RAD54B: variants seen among roughly 807,000 people sequenced by gnomAD.
RAD54B encodes RAD54 homolog B.
Under a neutral mutation model 95.8 loss-of-function variants are expected in RAD54B, and 78 were observed. The ratio of observed to expected loss-of-function variants is 0.81; its 90% CI spans 0.68 to 0.98. The LOEUF is 0.98. Among genes scored for constraint, RAD54B ranks in the 50% least tolerant of loss-of-function variants. The pLI is 0.00. For missense variants in RAD54B, 957 were observed against 1,056.6 expected (o/e 0.91, Z 1.31); for synonymous variants, 328 against 354.9 (o/e 0.92, Z 0.85).
chr8:94,469,608 T>C (rs903037309), intron 1 of RAD54B, among the ~76,000 whole-genome samples: 6 of 152,242 alleles, frequency 3.9e-5, no homozygotes, highest in African/African-American at 7.2e-5. Context: ...AATTTCAAAA[T>C]GCAAGGAAAT....
At chr8:94,474,376 A>T (rs1277051034) in intron 1 of RAD54B, among the ~76,000 whole-genome samples, 1 of 152,130 alleles carries the variant, frequency 6.6e-6, no homozygotes, top group Admixed American at 6.5e-5. Flanking sequence ...GCTGAAAATA[A>T]TTTTTTTGAT....
intron 3 of RAD54B, chr8:94,430,453 A>G (rs1812062926): frequency 3.0e-6 from 3 of 984,880 alleles, no homozygotes; most frequent in African/African-American, 3.5e-5. Context: ...CGAGGTTCCA[A>G]AATACTCTGT....
intron 2 of RAD54B, among the ~76,000 whole-genome samples, chr8:94,467,096 A>G (rs996670846): frequency 3.3e-5 from 5 of 151,764 alleles, no homozygotes; most frequent in African/African-American, 1.2e-4. Flanking sequence ...ACCCCACTAA[A>G]TTTTTATTTT....
At position 94,407,536 on chromosome 8, in the gene RAD54B, GAA is replaced by G; in HGVS notation, c.682_683del (p.Phe228LeufsTer2). 6.2e-7 allele frequency: 1 copy of G among 1,613,966 alleles called. No homozygotes were observed. Among genetic ancestry groups the G allele is most frequent in the Non-Finnish European group, 8.5e-7 (1 of 1,179,896 alleles). On this transcript the variant is annotated frameshift_variant, in exon 5 of 15. Transcript: ENST00000336148. LOFTEE classifies it high-confidence loss of function. ...SHSSQVARKC[F>X]SNPFKSVCKP... ...TACAAACACTTTTGAAAGGGTTAGAGAAACATTTCCTGGCAACCTGAGAAGAA... is the reference window on the plus strand; with the variant it reads ...TACAAACACTTTTGAAAGGGTTAGAGACATTTCCTGGCAACCTGAGAAGAA...
chr8:94,381,543 A>G (rs1209980517), intron 11 of RAD54B, among the ~76,000 whole-genome samples: 1 of 152,256 alleles, frequency 6.6e-6, no homozygotes, highest in Non-Finnish European at 1.5e-5. Context: ...CTTTCCGAAA[A>G]TAATTTATGT....
intron 3 of RAD54B, among the ~76,000 whole-genome samples, chr8:94,449,604 G>C (rs1352346725): frequency 7.5e-6 from 1 of 134,178 alleles, no homozygotes; most frequent in Non-Finnish European, 1.6e-5. Flanking sequence ...GTGAGACTCT[G>C]TCTCCAAAAA....
intron 8 of RAD54B, among the ~76,000 whole-genome samples, chr8:94,397,039 T>C (rs879389053): frequency 1.3e-5 from 2 of 152,186 alleles, no homozygotes; most frequent in Non-Finnish European, 2.9e-5. Context: ...TAAATGTCTG[T>C]TGTTTAGTCT....
At chr8:94,393,706 G>A (rs1370426283) in intron 9 of RAD54B, 37 bp downstream of exon 9, 17 of 1,501,392 alleles carry the variant, frequency 1.1e-5, no homozygotes, top group East Asian at 2.3e-5. Context: ...TCAGACATAC[G>A]GCTTTTTAAA....
At chr8:94,407,868 A>T (rs1469192221) in intron 4 of RAD54B, 148 bp from the exon 5 acceptor site, 2 of 517,174 alleles carry the variant, frequency 3.9e-6, no homozygotes, top group Admixed American at 5.3e-5. Context: ...CATTTTGGTT[A>T]AAAAAAACAT....
At chr8:94,461,228 A>G (rs1476285617) in intron 2 of RAD54B, among the ~76,000 whole-genome samples, 1 of 124,126 alleles carries the variant, frequency 8.1e-6, no homozygotes, top group African/African-American at 3.2e-5. Flanking sequence ...GCTGGAGTGC[A>G]ATGGCGCAAT....
chr8:94,455,586 T>G (rs1017093770), intron 3 of RAD54B, among the ~76,000 whole-genome samples: 1 of 152,244 alleles, frequency 6.6e-6, no homozygotes, highest in Non-Finnish European at 1.5e-5. Flanking sequence ...GATCTGGGGC[T>G]TCCTGTATTT....
intron 1 of RAD54B, among the ~76,000 whole-genome samples, chr8:94,474,094 C>A (rs1373694868): frequency 6.6e-6 from 1 of 152,112 alleles, no homozygotes; most frequent in Non-Finnish European, 1.5e-5. Flanking sequence ...GGCTATTATC[C>A]AAAGCGAATT....
intron 1 of RAD54B, among the ~76,000 whole-genome samples, chr8:94,468,839 A>G (rs751084548): frequency 4.6e-5 from 7 of 151,914 alleles, no homozygotes; most frequent in Non-Finnish European, 1.0e-4. Flanking sequence ...AAAAAAAAAG[A>G]TAAGAGGAGC....
chr8:94,397,395 C>A (rs1811173300), intron 8 of RAD54B, among the ~76,000 whole-genome samples: 1 of 152,028 alleles, frequency 6.6e-6, no homozygotes, highest in Non-Finnish European at 1.5e-5. Context: ...CTAGTTTTTA[C>A]CTAAATTCAT....
At chr8:94,443,978 C>A (rs1377647062) in intron 3 of RAD54B, among the ~76,000 whole-genome samples, 1 of 151,838 alleles carries the variant, frequency 6.6e-6, no homozygotes, top group African/African-American at 2.4e-5. Flanking sequence ...AAAAAATATA[C>A]AAGTTTACCA....
At chr8:94,405,488 C>T (rs73271915) in intron 5 of RAD54B, among the ~76,000 whole-genome samples, 13,940 of 152,182 alleles carry the variant, frequency 0.092, 1,174 homozygotes, top group African/African-American at 0.21. Context: ...AACAAATACC[C>T]AGAGGGTAAG....
intron 3 of RAD54B, among the ~76,000 whole-genome samples, chr8:94,424,357 G>T (rs929002100): frequency 5.3e-5 from 8 of 152,152 alleles, no homozygotes; most frequent in Non-Finnish European, 7.4e-5. Flanking sequence ...TGTGAGCAAG[G>T]ATTAGTGAAT....
At chr8:94,473,063 C>A (rs1372557075) in intron 1 of RAD54B, among the ~76,000 whole-genome samples, 2 of 151,160 alleles carry the variant, frequency 1.3e-5, no homozygotes, top group Non-Finnish European at 2.9e-5. Context: ...AAGTAAAATG[C>A]AGAAATCAGT....
chr8:94,451,004 G>T (rs12548615), intron 3 of RAD54B, among the ~76,000 whole-genome samples: 12,615 of 152,108 alleles, frequency 0.083, 933 homozygotes, highest in African/African-American at 0.18. Context: ...TGAGCTGATG[G>T]TTTTTAATAT....
Sources: allele counts gnomAD v4.1 joint callset (sites outside exome capture counted in the v4.1 genomes callset), GRCh38; gene constraint gnomAD v4.1.1; transcripts MANE v1.5; gene names NCBI Gene and HGNC (gene_info 2026-07-23, HGNC 2026-07-21).